PKNOX2: variants seen among roughly 807,000 people sequenced by gnomAD.
The protein encoded by PKNOX2 is homeobox protein PKNOX2.
PKNOX2 carries 14 observed loss-of-function variants against 53.1 expected under a neutral mutation model. The observed-to-expected ratio is 0.26, with a 90% CI of 0.17 to 0.41. The LOEUF is 0.41. Among genes scored for constraint, PKNOX2 ranks in the 10% least tolerant of loss-of-function variants. The probability of loss-of-function intolerance (pLI) is 1.00; values close to 1 mark genes in which losing one functional copy is unlikely to be tolerated. For missense variants in PKNOX2, 496 were observed against 602.8 expected (o/e 0.82, Z 1.85); for synonymous variants, 257 against 242.8 (o/e 1.06, Z -0.54).
chr11:125,414,993 G>A lies in PKNOX2; in HGVS notation c.936+3128G>A, dbSNP rs532344038. Among the ~76,000 whole-genome samples the A allele has an allele frequency of 4.6e-5, 7 of 152,204 alleles. No individual in the cohort carries two copies. The South Asian group carries it at 6.2e-4, about 14-fold the overall frequency. On this transcript the variant is annotated intron_variant, in intron 10 of 12. Coordinates refer to ENST00000298282, the MANE Select transcript of PKNOX2 (RefSeq NM_001382323.2). ...CTACTGATTTTACTATCATTTGACCGTAAGAGTAACGGACAGTACTGTGAC... is the reference window on the plus strand; with the variant it reads ...CTACTGATTTTACTATCATTTGACCATAAGAGTAACGGACAGTACTGTGAC...
chr11:125,358,884 C>T (rs918068542), intron 4 of PKNOX2, among the ~76,000 whole-genome samples: 1 of 152,206 alleles, frequency 6.6e-6, no homozygotes, highest in Non-Finnish European at 1.5e-5. Context: ...GGGAGACCAG[C>T]CCGCTCATGA....
chr11:125,334,027 AG>A (rs1950294805), intron 3 of PKNOX2, among the ~76,000 whole-genome samples: 1 of 152,180 alleles, frequency 6.6e-6, no homozygotes. Flanking sequence ...GTGGAGGCAG[AG>A]GTGCCTAGGA....
intron 1 of PKNOX2, among the ~76,000 whole-genome samples, chr11:125,170,793 T>G (rs1955243514): frequency 6.6e-6 from 1 of 151,940 alleles, no homozygotes; most frequent in South Asian, 2.1e-4. Context: ...GCTTCGTTCT[T>G]GTATTATTTT....
chr11:125,204,801 G>A (rs985192532), intron 1 of PKNOX2, among the ~76,000 whole-genome samples: 40 of 152,046 alleles, frequency 2.6e-4, no homozygotes, highest in African/African-American at 8.0e-4. Flanking sequence ...CTCCAGGCCC[G>A]GCTGAATCTA....
intron 2 of PKNOX2, among the ~76,000 whole-genome samples, chr11:125,295,865 G>C (rs865803290): frequency 6.6e-6 from 1 of 152,066 alleles, no homozygotes; most frequent in African/African-American, 2.4e-5. Flanking sequence ...CTGTACCGCC[G>C]GTAGCTCGCC....
chr11:125,242,042 ACACCATG>A (rs71883960), intron 2 of PKNOX2, among the ~76,000 whole-genome samples: 9,064 of 152,106 alleles, frequency 0.06, 907 homozygotes, highest in African/African-American at 0.2. Context: ...ATTTCTGCTG[ACACCATG>A]CACCATGCAG....
chr11:125,214,374 T>C (rs1940231676), intron 1 of PKNOX2, among the ~76,000 whole-genome samples: 1 of 152,042 alleles, frequency 6.6e-6, no homozygotes, highest in African/African-American at 2.4e-5. Flanking sequence ...TCCCCCTCTT[T>C]TGAATGCCCT....
At chr11:125,360,146 C>CA (rs547553077) in intron 4 of PKNOX2, among the ~76,000 whole-genome samples, 3,346 of 80,396 alleles carry the variant, frequency 0.042, 50 homozygotes, top group Middle Eastern at 0.16. Flanking sequence ...AACTCCATCT[C>CA]AAAAAAAAAA....
chr11:125,410,452 C>A, intron 8 of PKNOX2, 127 bp downstream of exon 8: 1 of 1,299,036 alleles, frequency 7.7e-7, no homozygotes. Flanking sequence ...AGTTTCTTGA[C>A]TAAAGTTTTC....
At chr11:125,283,926 G>A (rs960752702) in intron 2 of PKNOX2, among the ~76,000 whole-genome samples, 5 of 152,058 alleles carry the variant, frequency 3.3e-5, no homozygotes, top group African/African-American at 9.7e-5. Flanking sequence ...ATCTCACACC[G>A]GGCCTACTTC....
Position 125,410,849 on chromosome 11 carries a change from G to A in PKNOX2, c.789G>A (p.Gln263=). The change falls in exon 9 of 13, where the codon CAG becomes CAA. Residue 263 remains glutamine (Q), a synonymous_variant. Transcript: ENST00000298282. The part of the protein sequence containing the change: ...QGQVVTQAIP[Q]GAIQIQNTQV... ...AGGTGGTCACCCAAGCAATCCCCCA[G>A]GGAGCCATCCAGATCCAGAACACAC... 6.2e-7 allele frequency: 1 copy of A among 1,614,084 alleles called. No homozygotes were observed. Among genetic ancestry groups the A allele is most frequent in the East Asian group, 2.2e-5 (1 of 44,878 alleles).
At chr11:125,286,674 G>A (rs765627543) in intron 2 of PKNOX2, among the ~76,000 whole-genome samples, 4 of 152,212 alleles carry the variant, frequency 2.6e-5, no homozygotes, top group Admixed American at 6.5e-5. Context: ...TGGGCTGGGC[G>A]GAGCAATGGC....
At chr11:125,178,925 G>A (rs557325897) in intron 1 of PKNOX2, among the ~76,000 whole-genome samples, 35 of 152,244 alleles carry the variant, frequency 2.3e-4, no homozygotes, top group Non-Finnish European at 4.4e-4. Context: ...CAACTCAGGT[G>A]GCAGCCGGGA....
At chr11:125,373,426 TA>T (rs935050123) in intron 5 of PKNOX2, among the ~76,000 whole-genome samples, 1 of 152,214 alleles carries the variant, frequency 6.6e-6, no homozygotes, top group African/African-American at 2.4e-5. Flanking sequence ...CACTGGACAC[TA>T]AAACTTTCTG....
intron 1 of PKNOX2, among the ~76,000 whole-genome samples, chr11:125,193,134 T>C (rs1956979632): frequency 6.6e-6 from 1 of 152,238 alleles, no homozygotes; most frequent in South Asian, 2.1e-4. Flanking sequence ...TATAGCTTTA[T>C]AAAGCTCTTA....
chr11:125,263,366 AG>A (rs1945032431), intron 2 of PKNOX2, among the ~76,000 whole-genome samples: 1 of 151,910 alleles, frequency 6.6e-6, no homozygotes, highest in Non-Finnish European at 1.5e-5. Flanking sequence ...GAGCAAATGG[AG>A]GGGATCTGCT....
At chr11:125,375,561 G>A (rs563070910) in intron 5 of PKNOX2, among the ~76,000 whole-genome samples, 1 of 152,336 alleles carries the variant, frequency 6.6e-6, no homozygotes, top group South Asian at 2.1e-4. Context: ...CAGCACATCT[G>A]TTTGCTAATG....
chr11:125,318,913 G>A (rs1051042273), intron 2 of PKNOX2, among the ~76,000 whole-genome samples: 9 of 152,214 alleles, frequency 5.9e-5, no homozygotes, highest in East Asian at 3.9e-4. Context: ...TATGTAAGAC[G>A]TGCCTTGCTT....
chr11:125,216,143 G>A lies in PKNOX2; in HGVS notation c.-200-18902G>A, dbSNP rs568309291. ...ACAACGATATCTATTTTTCACCTTG[G>A]GTCAGGTCCCGTGAGATTGTCTCTT... On this transcript the variant is annotated intron_variant, in intron 1 of 12. Coordinates refer to ENST00000298282, the MANE Select transcript of PKNOX2 (RefSeq NM_001382323.2). 4.6e-5 allele frequency among the ~76,000 whole-genome samples: 7 copies of A among 152,242 alleles called. No individual in the cohort carries two copies. In the South Asian group the frequency reaches 1.5e-3, roughly 32 times the overall value.
Sources: gnomAD v4.1 joint callset for allele counts (sites outside exome capture counted in the v4.1 genomes callset) on GRCh38, gnomAD v4.1.1 for gene constraint, MANE v1.5 for transcripts, NCBI Gene and HGNC (gene_info 2026-07-23, HGNC 2026-07-21) for gene names.